DENND2B: variants seen among roughly 807,000 people sequenced by gnomAD.
DENND2B encodes the protein DENN domain containing 2B.
Under a neutral mutation model 116.0 loss-of-function variants are expected in DENND2B, and 32 were observed. That is an observed-to-expected ratio of 0.28 (90% CI 0.21 to 0.37). The LOEUF is 0.37. Among genes scored for constraint, DENND2B ranks in the 10% least tolerant of loss-of-function variants. The pLI is 1.00. For missense variants in DENND2B, 1,276 were observed against 1,477.7 expected (o/e 0.86, Z 2.24); for synonymous variants, 588 against 583.9 (o/e 1.01, Z -0.10).
upstream of DENND2B, chr11:8,811,063 G>C (rs1039506549): frequency 2.6e-6 from 1 of 384,008 alleles, no homozygotes; most frequent in Non-Finnish European, 4.6e-6. Flanking sequence ...CCCTGCCAGG[G>C]GGGAGGGAGC....
chr11:8,789,897 G>A (rs776763625), intron 1 of DENND2B, among the ~76,000 whole-genome samples: 3 of 152,228 alleles, frequency 2.0e-5, no homozygotes, highest in East Asian at 1.9e-4. Flanking sequence ...AGAAGACCCC[G>A]AGCAACAACC....
chr11:8,716,427 C>T (rs1037611294), intron 5 of DENND2B, among the ~76,000 whole-genome samples: 4 of 152,190 alleles, frequency 2.6e-5, no homozygotes, highest in African/African-American at 7.2e-5. Context: ...TCTCCATATG[C>T]GCTGACCTCT....
chr11:8,726,279 T>C, intron 3 of DENND2B, 70 bp from the exon 4 acceptor site: 10 of 1,541,806 alleles, frequency 6.5e-6, no homozygotes, highest in East Asian at 2.3e-5. Context: ...GGAATGTCCA[T>C]GGCAACAGCA....
At chr11:8,750,008 A>G (rs2052063351) in intron 2 of DENND2B, among the ~76,000 whole-genome samples, 1 of 152,210 alleles carries the variant, frequency 6.6e-6, no homozygotes, top group Non-Finnish European at 1.5e-5. Context: ...CCATAATGCT[A>G]AGCACTGACA....
chr11:8,730,825 G>T lies in DENND2B; in HGVS notation c.465C>A (p.Thr155=). 1 of 1,613,202 alleles carries T rather than the reference G, an allele frequency of 6.2e-7. No individual in the cohort carries two copies. The highest frequency in any genetic ancestry group is 1.1e-5 in the South Asian group (1 of 91,088). ...TGCCCAGGCTGTGGGCGCGGGTACC[G>T]GTACGGGTCAGCAAGACGCCCCGGG... is the stretch of plus-strand genomic sequence containing the variant. The part of the protein sequence containing the change: ...AGPRGVLLTR[T]GTRAHSLGIR... Residue 155 remains threonine, a synonymous_variant, in exon 3 of 20, where the codon ACC becomes ACA. Coordinates refer to ENST00000313726, the MANE Select transcript of DENND2B (RefSeq NM_213618.2). The surrounding 1 kb of genome is among the most constrained non-coding windows in gnomAD (Gnocchi z 4.1).
rs113674580 is a variant in DENND2B at position 8,699,613 on chromosome 11, G to A, written c.2721-223C>T. 8.9e-3 allele frequency among the ~76,000 whole-genome samples: 1,355 copies of A among 152,300 alleles called. 19 individuals are homozygous for A. Among genetic ancestry groups the A allele is most frequent in the African/African-American group, 0.031 (1,280 of 41,556 alleles). The stretch of plus-strand genomic sequence containing the variant: ...GGGAAATGTACCTGCAAACAGCCAG[G>A]AAGGTATGCAGCAACCCGCAGGACA... On this transcript the variant is annotated intron_variant, in intron 14 of 19. Coordinates refer to ENST00000313726, the MANE Select transcript of DENND2B (RefSeq NM_213618.2).
intron 3 of DENND2B, among the ~76,000 whole-genome samples, chr11:8,854,502 TAA>T (rs2063128526): frequency 6.6e-6 from 1 of 152,074 alleles, no homozygotes; most frequent in African/African-American, 2.4e-5. Context: ...GTGCCTGGCC[TAA>T]AAGAACCAAT....
chr11:8,780,771 C>T (rs984731123), intron 1 of DENND2B, among the ~76,000 whole-genome samples: 2 of 152,080 alleles, frequency 1.3e-5, no homozygotes, highest in African/African-American at 2.4e-5. Flanking sequence ...CTAGGGGCTA[C>T]GGCAGAAAAA....
At chr11:8,819,220 C>A (rs2061678931) in intron 4 of DENND2B, among the ~76,000 whole-genome samples, 1 of 151,950 alleles carries the variant, frequency 6.6e-6, no homozygotes, top group African/African-American at 2.4e-5. Flanking sequence ...CATGGCAAAA[C>A]CCCCATCTCT....
intron 4 of DENND2B, among the ~76,000 whole-genome samples, chr11:8,819,955 A>G (rs955915702): frequency 1.3e-5 from 2 of 152,266 alleles, no homozygotes; most frequent in Admixed American, 6.5e-5. Context: ...TGCCATTGCA[A>G]CTTTTCTCTA....
At chr11:8,764,942 C>CAAAAA (rs35421038) in intron 1 of DENND2B, among the ~76,000 whole-genome samples, 6 of 100,276 alleles carry the variant, frequency 6.0e-5, no homozygotes, top group Non-Finnish European at 7.7e-5. Flanking sequence ...GAGACTGTCT[C>CAAAAA]AAAAAAAAAA....
intron 1 of DENND2B, among the ~76,000 whole-genome samples, chr11:8,882,785 G>A (rs2134730007): frequency 6.6e-6 from 1 of 152,166 alleles, no homozygotes; most frequent in Non-Finnish European, 1.5e-5. Flanking sequence ...CCCAGCAGTT[G>A]GAGATCAGCC....
rs540177317 is a variant in DENND2B at position 8,720,618 on chromosome 11, A to G, written c.1478-2726T>C. ...GCTGCAGCCCACACGCTGCCTCCCC[A>G]GCCTCAGCTTGGTCCCTTCACTGCC... On this transcript the variant is annotated intron_variant, in intron 4 of 19. Coordinates refer to ENST00000313726, the MANE Select transcript of DENND2B (RefSeq NM_213618.2). Among the ~76,000 whole-genome samples the G allele has an allele frequency of 5.7e-4, 87 of 152,306 alleles. 2 individuals are homozygous for G. In the East Asian group the frequency reaches 0.015, roughly 26 times the overall value.
At chr11:8,703,504 C>G (rs752309262) in intron 13 of DENND2B, 1 of 152,480 alleles carries the variant, frequency 6.6e-6, no homozygotes, top group Non-Finnish European at 1.5e-5. Context: ...GCAGGAGGAA[C>G]TGCTGACGCT....
intron 4 of DENND2B, 44 bp downstream of exon 4, chr11:8,726,029 C>T (rs1186159521): frequency 6.2e-7 from 1 of 1,612,100 alleles, no homozygotes; most frequent in Non-Finnish European, 8.5e-7. Flanking sequence ...TGTTCTTCTG[C>T]AGCCCCCTGA....
chr11:8,841,527 G>A (rs1318958517), intron 3 of DENND2B, among the ~76,000 whole-genome samples: 1 of 152,156 alleles, frequency 6.6e-6, no homozygotes, highest in East Asian at 1.9e-4. Context: ...GCACACACCT[G>A]TATTCCCAGC....
At chr11:8,821,483 G>C (rs1411777627) in intron 4 of DENND2B, among the ~76,000 whole-genome samples, 1 of 151,810 alleles carries the variant, frequency 6.6e-6, no homozygotes, top group Non-Finnish European at 1.5e-5. Context: ...GGAGGTTGAA[G>C]TAGGAGGATC....
At chr11:8,756,733 C>T (rs1378493926) in intron 1 of DENND2B, among the ~76,000 whole-genome samples, 1 of 152,204 alleles carries the variant, frequency 6.6e-6, no homozygotes, top group Non-Finnish European at 1.5e-5. Flanking sequence ...CCACCTCCTA[C>T]AAGCAGCCCC....
At chr11:8,706,305 C>T (rs2042592593) in intron 13 of DENND2B, among the ~76,000 whole-genome samples, 1 of 152,176 alleles carries the variant, frequency 6.6e-6, no homozygotes, top group South Asian at 2.1e-4. Flanking sequence ...TATCATACCC[C>T]TGCTTTAGAT....
Sources: gnomAD v4.1 joint callset for allele counts (sites outside exome capture counted in the v4.1 genomes callset) on GRCh38, gnomAD v4.1.1 for gene constraint, Gnocchi (gnomAD v3.1) non-coding constraint, MANE v1.5 for transcripts, NCBI Gene and HGNC (gene_info 2026-07-23, HGNC 2026-07-21) for gene names.